The following SLC14A2 variants were observed in gnomAD, a reference collection of about 807,000 sequenced individuals.
The protein encoded by SLC14A2 is solute carrier family 14 member 2, also known as urea transporter 2.
SLC14A2 carries 91 observed loss-of-function variants against 104.6 expected under a neutral mutation model. The observed-to-expected ratio is 0.87, with a 90% CI of 0.73 to 1.04. The LOEUF (loss-of-function observed/expected upper bound fraction) is 1.04. Ranked by LOEUF, SLC14A2 falls within the 50% of genes least tolerant of loss-of-function variation. The probability of loss-of-function intolerance (pLI) is 0.00; values close to 1 mark genes in which losing one functional copy is unlikely to be tolerated. For missense variants in SLC14A2, 1,189 were observed against 1,156.0 expected (o/e 1.03, Z -0.41); for synonymous variants, 476 against 466.4 (o/e 1.02, Z -0.27).
chr18:45,566,557 T>A (rs1360984650), intron 2 of SLC14A2, among the ~76,000 whole-genome samples: 1 of 150,694 alleles, frequency 6.6e-6, no homozygotes, highest in African/African-American at 2.5e-5. Flanking sequence ...AGTGTCCACA[T>A]CACTGCTCAC....
chr18:45,223,721 TAA>T (rs2084086077), intron 1 of SLC14A2, among the ~76,000 whole-genome samples: 1 of 152,274 alleles, frequency 6.6e-6, no homozygotes, highest in South Asian at 2.1e-4. Flanking sequence ...TTAAGGACTC[TAA>T]GACTCAGCCA....
rs60880511 is a variant in SLC14A2 at position 45,359,087 on chromosome 18, C to CTT, written c.-124-124142_-124-124141dup. 8.4e-3 allele frequency among the ~76,000 whole-genome samples: 1,284 copies of CTT among 152,286 alleles called. 12 individuals carry two copies. Among genetic ancestry groups the CTT allele is most frequent in the African/African-American group, 0.029 (1,223 of 41,546 alleles). On this transcript the variant is annotated intron_variant, in intron 1 of 20. Transcript: ENST00000586448. The stretch of plus-strand genomic sequence containing the variant: ...GGGAGAGTCAGATGAGATAATGTCA[C>CTT]TTTTTACAGTCTCTGAAGTATACCA...
intron 1 of SLC14A2, among the ~76,000 whole-genome samples, chr18:45,474,101 T>A (rs1376690476): frequency 6.6e-6 from 1 of 152,204 alleles, no homozygotes; most frequent in Admixed American, 6.5e-5. Context: ...GTGTTGAATT[T>A]TATTGAAGGC....
upstream of SLC14A2, among the ~76,000 whole-genome samples, chr18:45,211,811 A>G (rs16978302): frequency 0.023 from 3,443 of 152,344 alleles, 147 homozygotes; most frequent in African/African-American, 0.077. Context: ...CCCAAAGGCT[A>G]CAAAATCTCC....
At chr18:45,680,209 A>G (rs955203859) in intron 19 of SLC14A2, among the ~76,000 whole-genome samples, 5 of 152,218 alleles carry the variant, frequency 3.3e-5, no homozygotes, top group Admixed American at 6.5e-5. Flanking sequence ...CCAGTCATTC[A>G]TCCACTAAAT....
Position 45,603,266 on chromosome 18 carries a change from G to A in SLC14A2, c.-34-21365G>A, listed in dbSNP as rs148634417. 7.5e-4 allele frequency among the ~76,000 whole-genome samples: 114 copies of A among 152,184 alleles called. 1 individual carries two copies. In the Middle Eastern group the frequency reaches 0.014, roughly 18 times the overall value. On this transcript the variant is annotated intron_variant, in intron 2 of 20. Coordinates refer to the SLC14A2 transcript ENST00000586448. ...TCACAGCAATTTTGTGCTTTGAAGA[G>A]CATTTTTCTATTCTTTCTAGAAATT...
chr18:45,250,348 T>C lies in SLC14A2; in HGVS notation c.-125+37157T>C, dbSNP rs79921584. Among the ~76,000 whole-genome samples the C allele has an allele frequency of 3.8e-4, 58 of 152,304 alleles. No individual in the cohort carries two copies. The East Asian group carries it at 5.4e-3, about 14-fold the overall frequency. On this transcript the variant is annotated intron_variant, in intron 1 of 20. Transcript: ENST00000586448. Reference sequence around the variant, plus strand: ...CACATTTTTAACTAGTCCTCTTTGGTATTTTAATCTCGTTTTATTCCATGA... The same window carrying C: ...CACATTTTTAACTAGTCCTCTTTGGCATTTTAATCTCGTTTTATTCCATGA...
intron 1 of SLC14A2, among the ~76,000 whole-genome samples, chr18:45,395,898 C>A (rs1435451115): frequency 6.6e-6 from 1 of 152,226 alleles, no homozygotes; most frequent in South Asian, 2.1e-4. Context: ...TTTGTTCAGG[C>A]CCTTCTTTGG....
At chr18:45,196,614 G>A in the SLC14A2 span, among the ~76,000 whole-genome samples, 1 of 152,186 alleles carries the variant, frequency 6.6e-6, no homozygotes, top group East Asian at 1.9e-4. Context: ...GGGGAAGCAT[G>A]ATTATAGACC....
At chr18:45,256,997 T>C (rs759581430) in intron 1 of SLC14A2, among the ~76,000 whole-genome samples, 6 of 152,246 alleles carry the variant, frequency 3.9e-5, no homozygotes, top group Non-Finnish European at 8.8e-5. Context: ...GATTGTATGC[T>C]CTAATGTGGA....
the SLC14A2 span, among the ~76,000 whole-genome samples, chr18:45,188,597 C>T: frequency 2.0e-5 from 3 of 152,082 alleles, no homozygotes; most frequent in Admixed American, 1.3e-4. Flanking sequence ...CTCCAGGATC[C>T]CAGGTTTCAA....
chr18:45,629,567 G>C (rs922837737), intron 4 of SLC14A2, among the ~76,000 whole-genome samples: 1 of 152,116 alleles, frequency 6.6e-6, no homozygotes, highest in Admixed American at 6.5e-5. Context: ...ACTCAGGCAA[G>C]TACTTCCCCC....
At chr18:45,489,626 G>C (rs929576587) in intron 2 of SLC14A2, among the ~76,000 whole-genome samples, 1 of 152,124 alleles carries the variant, frequency 6.6e-6, no homozygotes, top group African/African-American at 2.4e-5. Context: ...GTCACAAAGA[G>C]AGAATCCAAA....
At chr18:45,543,001 T>C (rs952765486) in intron 2 of SLC14A2, among the ~76,000 whole-genome samples, 1 of 152,148 alleles carries the variant, frequency 6.6e-6, no homozygotes, top group African/African-American at 2.4e-5. Context: ...CAGGCTGGAG[T>C]GCAGTGGCAC....
At chr18:45,213,655 A>G (rs953682127) in intron 1 of SLC14A2, among the ~76,000 whole-genome samples, 1 of 152,214 alleles carries the variant, frequency 6.6e-6, no homozygotes. Context: ...GGTGAGGAGT[A>G]AATGTACTGG....
At chr18:45,291,530 A>G (rs972745249) in intron 1 of SLC14A2, among the ~76,000 whole-genome samples, 19 of 152,064 alleles carry the variant, frequency 1.2e-4, no homozygotes, top group African/African-American at 3.4e-4. Context: ...TTTTCTCCTA[A>G]CCTCCCAGTG....
At chr18:45,523,311 A>G (rs1403569979) in intron 2 of SLC14A2, among the ~76,000 whole-genome samples, 1 of 150,506 alleles carries the variant, frequency 6.6e-6, no homozygotes, top group African/African-American at 2.4e-5. Flanking sequence ...TACTCCCATC[A>G]CCAGGTTTTT....
chr18:45,502,887 ACCTATGTGT>A (rs927845414), intron 2 of SLC14A2, among the ~76,000 whole-genome samples: 1 of 151,334 alleles, frequency 6.6e-6, no homozygotes, highest in Non-Finnish European at 1.5e-5. Context: ...TCTGATAAGG[ACCTATGTGT>A]CCTATGTGTC....
chr18:45,472,535 C>T (rs1397790884), intron 1 of SLC14A2, among the ~76,000 whole-genome samples: 1 of 152,190 alleles, frequency 6.6e-6, no homozygotes, highest in Non-Finnish European at 1.5e-5. Context: ...TCTCCAGCAT[C>T]TGTTGTTTTC....
Sources: gnomAD v4.1 joint callset for allele counts (sites outside exome capture counted in the v4.1 genomes callset) on GRCh38, gnomAD v4.1.1 for gene constraint, MANE v1.5 for transcripts, NCBI Gene and HGNC (gene_info 2026-07-23, HGNC 2026-07-21) for gene names.